Variants in ARHGAP15 observed in about 807,000 individuals in gnomAD.
The protein encoded by ARHGAP15 is rho GTPase-activating protein 15.
Under a neutral mutation model 63.7 loss-of-function variants are expected in ARHGAP15, and 51 were observed. The ratio of observed to expected loss-of-function variants is 0.80; its 90% CI spans 0.64 to 1.01. The LOEUF is 1.01. Among genes scored for constraint, ARHGAP15 ranks in the 50% least tolerant of loss-of-function variants. The pLI, the probability that ARHGAP15 is intolerant of heterozygous loss-of-function variation, is 0.00. For synonymous variants in ARHGAP15, 191 were observed against 193.8 expected, an observed-to-expected ratio of 0.99 and a Z score of 0.12; for missense variants, 560 against 564.6, an observed-to-expected ratio of 0.99 and a Z score of 0.08.
chr2:143,672,772 C>A (rs1682592420), intron 12 of ARHGAP15, among the ~76,000 whole-genome samples: 1 of 152,050 alleles, frequency 6.6e-6, no homozygotes, highest in Admixed American at 6.6e-5. Flanking sequence ...TATCCAAAGA[C>A]AATGGTAAAG....
At chr2:143,664,921 A>G (rs1293008128) in intron 12 of ARHGAP15, among the ~76,000 whole-genome samples, 1 of 151,864 alleles carries the variant, frequency 6.6e-6, no homozygotes, top group Admixed American at 6.5e-5. Flanking sequence ...TGTGGCAATA[A>G]TCAATAGTTT....
rs566335884 is a variant in ARHGAP15 at position 143,470,886 on chromosome 2, G to A, written c.704-16487G>A. The stretch of plus-strand genomic sequence containing the variant: ...TATGTGTGTGTGTATATATATACAC[G>A]TATATTTATGTGTGTATATATATAC... On this transcript the variant is annotated intron_variant, in intron 8 of 13. Coordinates refer to ENST00000295095, the MANE Select transcript of ARHGAP15 (RefSeq NM_018460.4). Among the ~76,000 whole-genome samples, 26 of 147,522 alleles carry A rather than the reference G, an allele frequency of 1.8e-4. No homozygotes were observed. The East Asian group carries it at 4.1e-3, about 23-fold the overall frequency.
chr2:143,192,995 C>A (rs562724423), intron 2 of ARHGAP15, among the ~76,000 whole-genome samples: 1 of 152,288 alleles, frequency 6.6e-6, no homozygotes, highest in East Asian at 1.9e-4. Context: ...TCAGTGTTAG[C>A]ACTTGTCATG....
chr2:143,196,665 G>A (rs182671261), intron 2 of ARHGAP15, among the ~76,000 whole-genome samples: 3 of 151,968 alleles, frequency 2.0e-5, no homozygotes, highest in African/African-American at 7.2e-5. Context: ...GGGAATTTTA[G>A]CATGATATTG....
chr2:143,412,980 G>A (rs780509848), intron 6 of ARHGAP15, among the ~76,000 whole-genome samples: 8 of 151,568 alleles, frequency 5.3e-5, no homozygotes, highest in Non-Finnish European at 1.2e-4. Context: ...TTATTTTATT[G>A]GTTATTTCCA....
chr2:143,379,599 A>G (rs1453210090), intron 6 of ARHGAP15, among the ~76,000 whole-genome samples: 1 of 151,556 alleles, frequency 6.6e-6, no homozygotes, highest in Admixed American at 6.6e-5. Context: ...TTTCCTGAAA[A>G]AGAATCTGAA....
chr2:143,202,132 A>G lies in ARHGAP15; in HGVS notation c.166-2A>G, dbSNP rs1202976673. 7 of 1,609,576 alleles carry G rather than the reference A, an allele frequency of 4.3e-6. No homozygotes were observed. Among genetic ancestry groups the G allele is most frequent in the Non-Finnish European group, 5.1e-6 (6 of 1,176,450 alleles). ...TAATATCCAATGTCAATATATTTGC[A>G]GATATCCAGACACAGAAGGAATCAT... On this transcript the variant is annotated splice_acceptor_variant, in intron 2 of 13. Coordinates refer to ENST00000295095, the MANE Select transcript of ARHGAP15 (RefSeq NM_018460.4). LOFTEE classifies it high-confidence loss of function.
At chr2:143,730,081 A>G (rs1423890364) in intron 13 of ARHGAP15, among the ~76,000 whole-genome samples, 1 of 152,216 alleles carries the variant, frequency 6.6e-6, no homozygotes, top group Non-Finnish European at 1.5e-5. Flanking sequence ...GTTCTAATGA[A>G]TGGCTTTCAA....
intron 6 of ARHGAP15, among the ~76,000 whole-genome samples, chr2:143,423,694 CA>C (rs1321401666): frequency 1.3e-5 from 2 of 152,110 alleles, no homozygotes; most frequent in African/African-American, 2.4e-5. Context: ...GTCCAGGAGA[CA>C]ATCAATGAAT....
At chr2:143,524,359 A>G (rs1442571394) in intron 10 of ARHGAP15, among the ~76,000 whole-genome samples, 3 of 152,206 alleles carry the variant, frequency 2.0e-5, no homozygotes, top group African/African-American at 7.2e-5. Context: ...TTTGCCAAGC[A>G]AAGGGACTGA....
chr2:143,148,614 G>A lies in ARHGAP15; in HGVS notation c.-14-6863G>A, dbSNP rs188568867. Among the ~76,000 whole-genome samples the A allele has an allele frequency of 2.6e-4, 40 of 152,170 alleles. 1 individual carries two copies. The East Asian group carries it at 7.6e-3, about 29-fold the overall frequency. ...TTGTCAGACTTTGTCAGCAAATGCA[G>A]CAAATACTCCAGATTCCCTGCTATA... On this transcript the variant is annotated intron_variant, in intron 1 of 13. Transcript: ENST00000295095.
At chr2:143,429,368 A>C (rs547862935) in intron 6 of ARHGAP15, among the ~76,000 whole-genome samples, 1 of 152,100 alleles carries the variant, frequency 6.6e-6, no homozygotes, top group Non-Finnish European at 1.5e-5. Flanking sequence ...TGTTGTACGA[A>C]TGCATGGACA....
At chr2:143,710,252 T>C (rs1430363039) in intron 13 of ARHGAP15, among the ~76,000 whole-genome samples, 1 of 152,210 alleles carries the variant, frequency 6.6e-6, no homozygotes, top group African/African-American at 2.4e-5. Flanking sequence ...GTATTTGAAA[T>C]GGCACCCTGA....
chr2:143,431,729 G>A lies in ARHGAP15; in HGVS notation c.475-3872G>A, dbSNP rs140562011. Among the ~76,000 whole-genome samples, 7 of 152,018 alleles carry A rather than the reference G, an allele frequency of 4.6e-5. No individual in the cohort carries two copies. The East Asian group carries it at 9.7e-4, about 21-fold the overall frequency. ...ACAGATTGTGAGTTCTTGAGGGTGG[G>A]GGCTGTGTATCCCTAGCTTCTAGCA... On this transcript the variant is annotated intron_variant, in intron 6 of 13. Coordinates refer to ENST00000295095, the MANE Select transcript of ARHGAP15 (RefSeq NM_018460.4).
At chr2:143,597,167 T>G (rs1195170943) in intron 11 of ARHGAP15, among the ~76,000 whole-genome samples, 1 of 152,112 alleles carries the variant, frequency 6.6e-6, no homozygotes, top group Non-Finnish European at 1.5e-5. Flanking sequence ...GAAGCAGAGT[T>G]TTGAGAATTT....
chr2:143,592,167 A>G (rs1241438027), intron 11 of ARHGAP15, among the ~76,000 whole-genome samples: 2 of 152,152 alleles, frequency 1.3e-5, no homozygotes, highest in African/African-American at 4.8e-5. Context: ...TTCATTTTTA[A>G]AATTATACTC....
intron 5 of ARHGAP15, among the ~76,000 whole-genome samples, chr2:143,232,194 A>G (rs1001635474): frequency 6.6e-6 from 1 of 152,230 alleles, no homozygotes; most frequent in Non-Finnish European, 1.5e-5. Context: ...TATGAAAAGG[A>G]CATTAAATCG....
chr2:143,483,793 T>C (rs936144825), intron 8 of ARHGAP15, among the ~76,000 whole-genome samples: 29 of 152,194 alleles, frequency 1.9e-4, no homozygotes, highest in African/African-American at 6.5e-4. Context: ...ATATTCAAGG[T>C]CTTGTAAAAG....
In ARHGAP15 at chr2:143,284,201, T is replaced by G. The variant is rs930665600; in HGVS notation, c.474+33601T>G. On this transcript the variant is annotated intron_variant, in intron 6 of 13. Transcript: ENST00000295095. ...GGCAATGCAAAGACGTACAAAAAACTGGAGTTAACATACAGAAGTGCAGTG... is the reference window on the plus strand; with the variant it reads ...GGCAATGCAAAGACGTACAAAAAACGGGAGTTAACATACAGAAGTGCAGTG... Among the ~76,000 whole-genome samples, 15 of 152,278 alleles carry G rather than the reference T, an allele frequency of 9.9e-5. 1 individual carries two copies. In the South Asian group the frequency reaches 1.9e-3, roughly 19 times the overall value.
Sources: allele counts gnomAD v4.1 joint callset (sites outside exome capture counted in the v4.1 genomes callset), GRCh38; gene constraint gnomAD v4.1.1; transcripts MANE v1.5; gene names NCBI Gene and HGNC (gene_info 2026-07-23, HGNC 2026-07-21).